The following TMEM132D variants were observed in gnomAD, a reference collection of about 807,000 sequenced individuals.
TMEM132D encodes the protein transmembrane protein 132D.
TMEM132D carries 21 observed loss-of-function variants against 62.3 expected under a neutral mutation model. That is an observed-to-expected ratio of 0.34 (90% confidence interval 0.24 to 0.49). The LOEUF (loss-of-function observed/expected upper bound fraction) is 0.49, where lower values mean the gene tolerates loss of function less well. Ranked by LOEUF, TMEM132D falls within the 20% of genes least tolerant of loss-of-function variation. The pLI is 0.99. For synonymous variants in TMEM132D, 621 were observed against 575.6 expected (o/e 1.08, Z -1.13); for missense variants, 1,346 against 1,402.8 (o/e 0.96, Z 0.65).
chr12:129,560,344 A>G (rs1182020670), intron 2 of TMEM132D, among the ~76,000 whole-genome samples: 1 of 148,746 alleles, frequency 6.7e-6, no homozygotes, highest in Non-Finnish European at 1.5e-5. Flanking sequence ...ATCTCGGCTC[A>G]CCACAACCTC....
At chr12:129,249,764 A>G (rs1880216931) in intron 4 of TMEM132D, among the ~76,000 whole-genome samples, 1 of 152,174 alleles carries the variant, frequency 6.6e-6, no homozygotes, top group Non-Finnish European at 1.5e-5. Flanking sequence ...CGAGTAGCTC[A>G]CAGAATCGCT....
intron 1 of TMEM132D, among the ~76,000 whole-genome samples, chr12:129,711,176 CT>C (rs747826791): frequency 6.6e-6 from 1 of 152,208 alleles, no homozygotes; most frequent in Non-Finnish European, 1.5e-5. Flanking sequence ...ATTGGTCCCC[CT>C]AAAACCTCTC....
chr12:129,301,118 T>A (rs1162979683), intron 4 of TMEM132D, among the ~76,000 whole-genome samples: 1 of 152,164 alleles, frequency 6.6e-6, no homozygotes, highest in Non-Finnish European at 1.5e-5. Flanking sequence ...TTTGAGGGGT[T>A]GCTATTTAGT....
intron 4 of TMEM132D, among the ~76,000 whole-genome samples, chr12:129,217,891 A>G (rs1445315631): frequency 6.6e-6 from 1 of 152,164 alleles, no homozygotes; most frequent in East Asian, 1.9e-4. Context: ...TTTGTATAAG[A>G]GGACATCCAT....
At chr12:129,840,443 A>G (rs1282467885) in intron 1 of TMEM132D, 1 of 152,200 alleles carries the variant, frequency 6.6e-6, no homozygotes, top group East Asian at 1.9e-4. Flanking sequence ...GCTCTCAGTA[A>G]ACGGTTCCCC....
chr12:129,320,613 A>G (rs1416349752), intron 4 of TMEM132D, among the ~76,000 whole-genome samples: 5 of 152,232 alleles, frequency 3.3e-5, no homozygotes, highest in African/African-American at 7.2e-5. Flanking sequence ...TCTAAGAGCC[A>G]AAGAAAGTCA....
At chr12:129,156,908 T>A (rs1369755076) in intron 5 of TMEM132D, among the ~76,000 whole-genome samples, 1 of 151,628 alleles carries the variant, frequency 6.6e-6, no homozygotes, top group Non-Finnish European at 1.5e-5. Flanking sequence ...CCTGAGATCA[T>A]TAACACACTC....
chr12:129,528,431 C>CAAAA (rs200147997), intron 3 of TMEM132D, among the ~76,000 whole-genome samples: 2 of 133,204 alleles, frequency 1.5e-5, no homozygotes, highest in Non-Finnish European at 3.2e-5. Flanking sequence ...ATGCACACAG[C>CAAAA]AAAAAAAAAA....
chr12:129,481,366 G>A (rs1339545272), intron 3 of TMEM132D, among the ~76,000 whole-genome samples: 1 of 151,676 alleles, frequency 6.6e-6, no homozygotes, highest in Non-Finnish European at 1.5e-5. Flanking sequence ...GGGAGGCTGA[G>A]GTGGGAGGAT....
chr12:129,547,634 A>G lies in TMEM132D; in HGVS notation c.969-16429T>C, dbSNP rs1014827120. Among the ~76,000 whole-genome samples the G allele has an allele frequency of 2.6e-5, 4 of 152,164 alleles. No individual in the cohort carries two copies. In the East Asian group the frequency reaches 7.7e-4, roughly 29 times the overall value. On this transcript the variant is annotated intron_variant, in intron 2 of 8. Coordinates refer to ENST00000422113, the MANE Select transcript of TMEM132D (RefSeq NM_133448.3). The stretch of plus-strand genomic sequence containing the variant: ...CATTTCCACCCAAACACAGTGCACA[A>G]TTAAAATGTTGTTCTACAGGATGTT...
intron 1 of TMEM132D, among the ~76,000 whole-genome samples, chr12:129,799,458 T>A (rs896667710): frequency 1.1e-4 from 16 of 151,356 alleles, no homozygotes; most frequent in African/African-American, 3.4e-4. Context: ...CATATATATA[T>A]AGATGGATGG....
intron 2 of TMEM132D, among the ~76,000 whole-genome samples, chr12:129,613,838 A>C (rs1439231831): frequency 6.6e-6 from 1 of 151,856 alleles, no homozygotes; most frequent in East Asian, 1.9e-4. Context: ...TGCAGAACCC[A>C]GGGGATCGGC....
In TMEM132D at chr12:129,327,830, T is replaced by C. The variant is rs76541733; in HGVS notation, c.1299+9804A>G. The stretch of plus-strand genomic sequence containing the variant: ...TAGCATTCAGAGTGATATTAAAAAA[T>C]AAATCATGATCATATCAGATATAAA... On this transcript the variant is annotated intron_variant, in intron 4 of 8. Transcript: ENST00000422113. Among the ~76,000 whole-genome samples the C allele has an allele frequency of 8.4e-3, 1,272 of 152,304 alleles. 44 individuals are homozygous for C. Among genetic ancestry groups the C allele is most frequent in the Admixed American group, 0.054 (825 of 15,288 alleles).
chr12:129,116,274 G>A (rs1459807851), intron 5 of TMEM132D, among the ~76,000 whole-genome samples: 1 of 152,172 alleles, frequency 6.6e-6, no homozygotes, highest in Non-Finnish European at 1.5e-5. Context: ...CACATAGAGG[G>A]AAATGATACG....
chr12:129,421,449 C>T (rs763911535), intron 3 of TMEM132D, among the ~76,000 whole-genome samples: 5 of 152,182 alleles, frequency 3.3e-5, no homozygotes, highest in Non-Finnish European at 5.9e-5. Flanking sequence ...TTGTGCTTGT[C>T]GCACCCCATG....
chr12:129,320,020 T>C (rs1186829302), intron 4 of TMEM132D, among the ~76,000 whole-genome samples: 1 of 152,170 alleles, frequency 6.6e-6, no homozygotes, highest in Admixed American at 6.5e-5. Context: ...ACAATCACCA[T>C]GAATATGTAG....
At chr12:129,798,695 AG>A (rs869111699) in intron 1 of TMEM132D, among the ~76,000 whole-genome samples, 1 of 149,638 alleles carries the variant, frequency 6.7e-6, no homozygotes, top group Non-Finnish European at 1.5e-5. Flanking sequence ...AATGTGCAGA[AG>A]AGAGAAGGGG....
intron 4 of TMEM132D, among the ~76,000 whole-genome samples, chr12:129,336,535 G>C (rs530017879): frequency 6.6e-6 from 1 of 151,498 alleles, no homozygotes; most frequent in African/African-American, 2.4e-5. Flanking sequence ...TCGCACCACC[G>C]CACTCCAGCC....
In TMEM132D at chr12:129,556,121, C is replaced by T. The variant is rs372174224; in HGVS notation, c.969-24916G>A. On this transcript the variant is annotated intron_variant, in intron 2 of 8. Coordinates refer to ENST00000422113, the MANE Select transcript of TMEM132D (RefSeq NM_133448.3). ...CACAGGGTGCTCCACACTCCCTTTGCCTTCACTACACGAGTATCAAGGTTG... is the reference window on the plus strand; with the variant it reads ...CACAGGGTGCTCCACACTCCCTTTGTCTTCACTACACGAGTATCAAGGTTG... Among the ~76,000 whole-genome samples the T allele has an allele frequency of 2.1e-3, 321 of 152,302 alleles. 2 individuals are homozygous for T. The highest frequency in any genetic ancestry group is 7.2e-3 in the African/African-American group (301 of 41,548).
Sources: gnomAD v4.1 joint callset for allele counts (sites outside exome capture counted in the v4.1 genomes callset) on GRCh38, gnomAD v4.1.1 for gene constraint, MANE v1.5 for transcripts, NCBI Gene and HGNC (gene_info 2026-07-23, HGNC 2026-07-21) for gene names.